Variants in DAB2IP observed in about 807,000 individuals in gnomAD.
DAB2IP encodes the protein DAB2 interacting protein, also known as disabled homolog 2-interacting protein.
A neutral mutation model predicts 107.2 loss-of-function variants in DAB2IP; 28 were observed. The ratio of observed to expected loss-of-function variants is 0.26; its 90% CI spans 0.19 to 0.36. The LOEUF (loss-of-function observed/expected upper bound fraction) is 0.36, where lower values mean the gene tolerates loss of function less well. Among genes scored for constraint, DAB2IP ranks in the 10% least tolerant of loss-of-function variants. The pLI is 1.00. For synonymous variants in DAB2IP, 755 were observed against 706.4 expected (o/e 1.07, Z -1.09); for missense variants, 1,400 against 1,644.7 (o/e 0.85, Z 2.57).
chr9:121,615,921 C>T (rs933383942), intron 1 of DAB2IP, among the ~76,000 whole-genome samples: 3 of 152,204 alleles, frequency 2.0e-5, no homozygotes, highest in Non-Finnish European at 2.9e-5. Flanking sequence ...CCACTGTGCC[C>T]GGCCTCAAAG....
At position 121,772,241 on chromosome 9, in the gene DAB2IP, G is replaced by A. The variant is rs1186497169; in HGVS notation, c.2079-366G>A. 2.0e-5 allele frequency among the ~76,000 whole-genome samples: 3 copies of A among 152,198 alleles called. No homozygotes were observed. The highest frequency in any genetic ancestry group is 2.9e-5 in the Non-Finnish European group (2 of 68,036). ...TTGGGGTTCTCAATGCAGGATCCGT[G>A]GATAGCAGAGAGCCACTGAGTTGTG... On this transcript the variant is annotated intron_variant, in intron 11 of 15. Coordinates refer to ENST00000408936, the Ensembl canonical transcript of DAB2IP. The surrounding 1 kb of genome is among the most constrained non-coding windows in gnomAD (Gnocchi z 4.7).
At chr9:121,783,739 G>A (rs1014144827) in exon 16 of DAB2IP, 80 of 754,804 alleles carry the variant, frequency 1.1e-4, no homozygotes, top group East Asian at 7.8e-5. Context: ...GGACCCAGGC[G>A]CTGCATACAG....
At chr9:121,586,216 T>C (rs552859519) in intron 1 of DAB2IP, among the ~76,000 whole-genome samples, 1 of 152,224 alleles carries the variant, frequency 6.6e-6, no homozygotes, top group Non-Finnish European at 1.5e-5. Context: ...AAGGTACCTC[T>C]GTTATTAGCA....
At chr9:121,651,562 T>A, upstream of DAB2IP, 1 of 747,388 alleles carries the variant, frequency 1.3e-6, no homozygotes, top group Non-Finnish European at 1.7e-6. This position sits in a 1 kb window ranked among gnomAD's most constrained non-coding sequence, Gnocchi z 5.1. Flanking sequence ...GGCCTCCGGG[T>A]CCCCAGCCCC....
intron 1 of DAB2IP, among the ~76,000 whole-genome samples, chr9:121,604,669 C>G (rs1387010270): frequency 2.0e-5 from 3 of 152,186 alleles, no homozygotes; most frequent in African/African-American, 7.2e-5. Flanking sequence ...TCTCATTGCC[C>G]CCCTAAGGGT....
chr9:121,598,300 G>C (rs932326427), intron 1 of DAB2IP: 8 of 152,466 alleles, frequency 5.2e-5, no homozygotes, highest in African/African-American at 1.9e-4. Flanking sequence ...ACGACTGGGA[G>C]AGCAGCTCTC....
At chr9:121,750,571 G>T (rs1246153100) in intron 3 of DAB2IP, among the ~76,000 whole-genome samples, 1 of 152,170 alleles carries the variant, frequency 6.6e-6, no homozygotes, top group Non-Finnish European at 1.5e-5. Flanking sequence ...GCCCTTTGGG[G>T]CCACACAGGG....
At chr9:121,765,302 C>T (rs930660102) in intron 8 of DAB2IP, among the ~76,000 whole-genome samples, 2 of 152,202 alleles carry the variant, frequency 1.3e-5, no homozygotes, top group African/African-American at 2.4e-5. Context: ...TCAGAGGCAC[C>T]TCTCCATTCT....
At chr9:121,761,509 A>G (rs1313551088) in intron 6 of DAB2IP, among the ~76,000 whole-genome samples, 1 of 151,952 alleles carries the variant, frequency 6.6e-6, no homozygotes, top group African/African-American at 2.4e-5. Flanking sequence ...GAGGTCCCTC[A>G]CCCTCTCACC....
upstream of DAB2IP, among the ~76,000 whole-genome samples, chr9:121,649,674 G>T (rs1832672523): frequency 1.3e-5 from 2 of 152,198 alleles, no homozygotes; most frequent in African/African-American, 4.8e-5. Context: ...GTCATGCCTG[G>T]AAGTGCCAAG....
At chr9:121,577,009 C>G (rs73536944) in intron 1 of DAB2IP, among the ~76,000 whole-genome samples, 7,183 of 152,252 alleles carry the variant, frequency 0.047, 553 homozygotes, top group African/African-American at 0.16. Flanking sequence ...CTGGCCCTGA[C>G]AAAGCAGTGC....
At chr9:121,714,287 C>G (rs111903313) in intron 3 of DAB2IP, among the ~76,000 whole-genome samples, 184 of 152,324 alleles carry the variant, frequency 1.2e-3, no homozygotes, top group African/African-American at 4.2e-3. Flanking sequence ...CCTAATTGCT[C>G]TGTTGCTGCT....
rs544396642 is a variant in DAB2IP, at chr9:121,782,093, G to A, written c.3403-238G>A. Among the ~76,000 whole-genome samples, 6 of 152,234 alleles carry A rather than the reference G, an allele frequency of 3.9e-5. No individual in the cohort carries two copies. Among genetic ancestry groups the A allele is most frequent in the South Asian group, 2.1e-4 (1 of 4,826 alleles). ...AGCAAGGGTGCCTGCCCTAGGGGCC[G>A]CAGGCAGCCCATAGACAGCACTAGA... On this transcript the variant is annotated intron_variant, in intron 15 of 15. Transcript: ENST00000408936. This position sits in a 1 kb window ranked among gnomAD's most constrained non-coding sequence, Gnocchi z 6.1.
intron 1 of DAB2IP, among the ~76,000 whole-genome samples, chr9:121,616,500 C>T (rs978590225): frequency 3.3e-5 from 5 of 152,084 alleles, no homozygotes; most frequent in South Asian, 2.1e-4. Flanking sequence ...AAGGCGTTGG[C>T]GGCTAGCGGC....
chr9:121,768,644 C>G lies in DAB2IP; in HGVS notation c.1899+11C>G, dbSNP rs1564218289. 4 of 1,612,698 alleles carry G rather than the reference C, an allele frequency of 2.5e-6. No homozygotes were observed. In the African/African-American group the frequency reaches 5.3e-5, roughly 22 times the overall value. ...AGCCAGCTGGAGCAGGTGCCTGTTG[C>G]CGTGGGGCGGAGGTGGGGCCAAAAG... On this transcript the variant is annotated intron_variant, in intron 10 of 15. Transcript: ENST00000408936.
rs1263506985 is a variant in DAB2IP, at chr9:121,760,288, T to C, written c.1019T>C (p.Leu340Pro). ...GCGCGCTACCAAACCATCACCATCC[T>C]GCCCATGGAGATGTACAAAGAGTTC... Residue 340 changes from leucine to proline, a missense_variant, in exon 6 of 16, where the codon CTG (leucine) becomes CCG (proline). Physicochemically the swap from Leu to Pro is moderately conservative, Grantham distance 98. Coordinates refer to ENST00000408936, the Ensembl canonical transcript of DAB2IP. The surrounding 1 kb of genome is among the most constrained non-coding windows in gnomAD (Gnocchi z 5.9). 1 of 1,613,902 alleles carries C rather than the reference T, an allele frequency of 6.2e-7. No individual in the cohort carries two copies. The highest frequency in any genetic ancestry group is 8.5e-7 in the Non-Finnish European group (1 of 1,180,022).
chr9:121,631,206 G>C (rs975593555), intron 1 of DAB2IP, among the ~76,000 whole-genome samples: 6 of 152,324 alleles, frequency 3.9e-5, no homozygotes, highest in Admixed American at 3.9e-4. Context: ...TTGCGGGAGG[G>C]GGCAAGGCAC....
chr9:121,782,716 CG>C lies in DAB2IP; in HGVS notation c.*221del. 1 of 1,404,990 alleles carries C rather than the reference CG, an allele frequency of 7.1e-7. No individual in the cohort carries two copies. 87.0% of individuals were successfully genotyped at this position (1,404,990 alleles called of 1,614,324 possible). A position where few individuals can be genotyped will look rare whatever the true frequency, so the allele number is the denominator to read the frequency against. On this transcript the variant is annotated 3_prime_UTR_variant, in exon 16 of 16. Coordinates refer to ENST00000408936, the Ensembl canonical transcript of DAB2IP. The surrounding 1 kb of genome is among the most constrained non-coding windows in gnomAD (Gnocchi z 6.1). ...GTCACCAGCCGCTCCCTGTGGGGTG[CG>C]GGCAGAAGAGACTGCACGCTGGGGA...
At chr9:121,783,748 A>T (rs1024074778) in exon 16 of DAB2IP, 44 of 700,230 alleles carry the variant, frequency 6.3e-5, no homozygotes, top group Non-Finnish European at 2.4e-5. Context: ...CGCTGCATAC[A>T]GGGGAGGGGC....
Sources: gnomAD v4.1 joint callset for allele counts (sites outside exome capture counted in the v4.1 genomes callset) on GRCh38, gnomAD v4.1.1 for gene constraint, Gnocchi (gnomAD v3.1) non-coding constraint, MANE v1.5 for transcripts, NCBI Gene and HGNC (gene_info 2026-07-23, HGNC 2026-07-21) for gene names.